LTBP1: variants seen among roughly 807,000 people sequenced by gnomAD.
LTBP1 encodes the protein latent transforming growth factor beta binding protein 1.
A neutral mutation model predicts 207.6 loss-of-function variants in LTBP1; 129 were observed. The ratio of observed to expected loss-of-function variants is 0.62; its 90% CI spans 0.54 to 0.72. LTBP1 has a LOEUF of 0.72. Ranked by LOEUF, LTBP1 falls within the 30% of genes least tolerant of loss-of-function variation. LTBP1 has a pLI of 0.00. For missense variants in LTBP1, 2,281 were observed against 2,217.2 expected, an observed-to-expected ratio of 1.03 and a Z score of -0.58; for synonymous variants, 963 against 833.7, an observed-to-expected ratio of 1.16 and a Z score of -2.67.
chr2:33,295,679 A>AT (rs944642040), intron 20 of LTBP1, among the ~76,000 whole-genome samples: 79 of 152,048 alleles, frequency 5.2e-4, no homozygotes, highest in Middle Eastern at 6.8e-3. Flanking sequence ...AAATCTGTGG[A>AT]TTTTTTTCTT....
intron 23 of LTBP1, among the ~76,000 whole-genome samples, chr2:33,313,930 C>A (rs2094224038): frequency 1.3e-5 from 2 of 152,172 alleles, no homozygotes; most frequent in Admixed American, 6.5e-5. Flanking sequence ...GTGAAACTTT[C>A]TCTAGGCGCT....
At position 33,081,405 on chromosome 2, in the gene LTBP1, G is replaced by A. The variant is rs138587833; in HGVS notation, c.864-29177G>A. ...TGCCCACATGTATGGACACACACGA[G>A]CATACACACATGCACACACACATAT... On this transcript the variant is annotated intron_variant, in intron 3 of 33. Transcript: ENST00000404816. Among the ~76,000 whole-genome samples the A allele has an allele frequency of 1.2e-4, 18 of 152,106 alleles. No individual in the cohort carries two copies. The East Asian group carries it at 3.5e-3, about 29-fold the overall frequency.
At chr2:33,066,319 C>T (rs1015878620) in intron 3 of LTBP1, among the ~76,000 whole-genome samples, 5 of 152,158 alleles carry the variant, frequency 3.3e-5, no homozygotes, top group Non-Finnish European at 5.9e-5. Flanking sequence ...TGAGTTGTGA[C>T]GGAGACTGCA....
chr2:33,311,189 G>A (rs1558991501), intron 23 of LTBP1, among the ~76,000 whole-genome samples: 1 of 152,052 alleles, frequency 6.6e-6, no homozygotes, highest in Non-Finnish European at 1.5e-5. Context: ...TCAGAGATAT[G>A]AAAAACACGG....
intron 5 of LTBP1, among the ~76,000 whole-genome samples, chr2:33,181,450 C>G (rs1573017907): frequency 6.6e-6 from 1 of 152,196 alleles, no homozygotes; most frequent in Non-Finnish European, 1.5e-5. Context: ...TTTAAAACCT[C>G]CAGCTTGTTG....
chr2:32,997,821 C>A (rs1198911821), intron 2 of LTBP1, among the ~76,000 whole-genome samples: 2 of 152,172 alleles, frequency 1.3e-5, no homozygotes, highest in Admixed American at 6.5e-5. Flanking sequence ...ACAAACATTT[C>A]GACCATAGCA....
chr2:33,242,854 G>C (rs1344804010), intron 9 of LTBP1, among the ~76,000 whole-genome samples: 1 of 152,142 alleles, frequency 6.6e-6, no homozygotes, highest in East Asian at 1.9e-4. Context: ...CCTAGAGTCT[G>C]TCTTTGAGTC....
chr2:33,003,997 A>G (rs970930694), intron 2 of LTBP1, among the ~76,000 whole-genome samples: 3 of 152,202 alleles, frequency 2.0e-5, no homozygotes, highest in African/African-American at 4.8e-5. Flanking sequence ...AACAACTTAT[A>G]TAGCCATCCT....
At chr2:33,225,621 A>G (rs994061718) in intron 9 of LTBP1, among the ~76,000 whole-genome samples, 9 of 152,188 alleles carry the variant, frequency 5.9e-5, no homozygotes, top group African/African-American at 2.2e-4. Flanking sequence ...ACCTCCTACC[A>G]GGTCCCTCCC....
intron 5 of LTBP1, among the ~76,000 whole-genome samples, chr2:33,169,921 T>C (rs566759962): frequency 3.9e-5 from 6 of 152,202 alleles, no homozygotes; most frequent in Non-Finnish European, 8.8e-5. Context: ...ATCAGCATTG[T>C]GGTAATATAA....
intron 2 of LTBP1, among the ~76,000 whole-genome samples, chr2:32,957,044 C>T (rs1678189972): frequency 6.6e-6 from 1 of 152,078 alleles, no homozygotes; most frequent in African/African-American, 2.4e-5. Flanking sequence ...GACTGTCATC[C>T]AGTCTTTGTT....
rs776691470 is a variant in LTBP1, at chr2:33,110,594, T to A, written c.876T>A (p.Leu292=). 3.1e-6 allele frequency: 5 copies of A among 1,613,184 alleles called. No individual in the cohort carries two copies. The East Asian group carries it at 1.1e-4, about 36-fold the overall frequency. The change falls in exon 4 of 34, where the codon CTT becomes CTA. Residue 292 remains leucine, a synonymous_variant. Transcript: ENST00000404816. The part of the protein sequence containing the change: ...PQQIHSQVTP[L]SSQSVVIHHG... Reference sequence around the variant, plus strand: ...TGTTTCTTCCCAGAGTGACTCCTCTTTCTTCCCAGAGTGTGGTGATTCACC... The same window carrying A: ...TGTTTCTTCCCAGAGTGACTCCTCTATCTTCCCAGAGTGTGGTGATTCACC...
Position 33,342,952 on chromosome 2 carries a change from A to C in LTBP1, c.3845A>C (p.Gln1282Pro). The change falls in exon 25 of 34, where the codon CAA (glutamine) becomes CCA (proline). Residue 1282 changes from glutamine to proline, a missense_variant. Physicochemically the swap from Gln to Pro is moderately conservative, Grantham distance 76 (BLOSUM62 -1). This residue lies in a region of LTBP1 where 1,671 missense variants were observed against 1,634.8 expected (regional missense o/e 1.02). Transcript: ENST00000404816. ...YQGFQAPQDG[Q>P]GCVDVNECEL... ...GGCTTTCAAGCCCCACAGGATGGGC[A>C]AGGGTGTGTGGGTGAGTTTTTAGAT... 1 of 1,613,414 alleles carries C rather than the reference A, an allele frequency of 6.2e-7. No homozygotes were observed. Among genetic ancestry groups the C allele is most frequent in the Non-Finnish European group, 8.5e-7 (1 of 1,179,518 alleles).
At chr2:33,260,311 T>C (rs573292819) in intron 13 of LTBP1, among the ~76,000 whole-genome samples, 2 of 152,306 alleles carry the variant, frequency 1.3e-5, no homozygotes, top group African/African-American at 4.8e-5. Context: ...AGAACTACTA[T>C]GATATATTGC....
intron 18 of LTBP1, among the ~76,000 whole-genome samples, chr2:33,278,534 T>C (rs2093493767): frequency 6.6e-6 from 1 of 152,210 alleles, no homozygotes; most frequent in South Asian, 2.1e-4. Context: ...ATCTCATGCA[T>C]CCTTACTTTA....
At chr2:33,136,887 T>G (rs1267851238) in intron 5 of LTBP1, among the ~76,000 whole-genome samples, 1 of 152,150 alleles carries the variant, frequency 6.6e-6, no homozygotes, top group Non-Finnish European at 1.5e-5. Context: ...AAAGCAGAAC[T>G]CCACTCTCCA....
intron 31 of LTBP1, among the ~76,000 whole-genome samples, chr2:33,365,758 A>G (rs1024956924): frequency 6.6e-6 from 1 of 152,022 alleles, no homozygotes; most frequent in Non-Finnish European, 1.5e-5. Flanking sequence ...TAAATGACCC[A>G]AAAAAACATA....
chr2:33,005,190 ACAAC>A (rs928375287), intron 2 of LTBP1, among the ~76,000 whole-genome samples: 8 of 152,218 alleles, frequency 5.3e-5, no homozygotes, highest in African/African-American at 1.9e-4. Context: ...TAAAACCAAC[ACAAC>A]CATTTATTTG....
intron 2 of LTBP1, among the ~76,000 whole-genome samples, chr2:32,984,460 A>C (rs981402149): frequency 1.3e-5 from 2 of 152,216 alleles, no homozygotes; most frequent in African/African-American, 2.4e-5. Flanking sequence ...GGCATGTTTT[A>C]ACTCAGCTGC....
Sources: allele counts gnomAD v4.1 joint callset (sites outside exome capture counted in the v4.1 genomes callset), GRCh38; gene constraint gnomAD v4.1.1; regional missense constraint gnomAD v4.1.1; transcripts MANE v1.5; gene names NCBI Gene and HGNC (gene_info 2026-07-23, HGNC 2026-07-21).